The following NCAM2 variants were observed in gnomAD, a reference collection of about 807,000 sequenced individuals.
The protein encoded by NCAM2 is N-CAM-2.
In NCAM2, 30 loss-of-function variants were observed where a neutral mutation model predicts 98.1. The ratio of observed to expected loss-of-function variants is 0.31; its 90% CI spans 0.23 to 0.41. NCAM2 has a LOEUF of 0.41. Ranked by LOEUF, NCAM2 falls within the 10% of genes least tolerant of loss-of-function variation. The pLI is 1.00. For missense variants in NCAM2, 867 were observed against 1,005.8 expected, an observed-to-expected ratio of 0.86 and a Z score of 1.87; for synonymous variants, 368 against 342.4, an observed-to-expected ratio of 1.07 and a Z score of -0.83.
Position 21,284,384 on chromosome 21 carries a change from A to T in NCAM2, c.321A>T (p.Val107=). The T allele has an allele frequency of 6.2e-7, 1 of 1,611,174 alleles. No homozygotes were observed. The highest frequency in any genetic ancestry group is 8.5e-7 in the Non-Finnish European group (1 of 1,177,824). The stretch of plus-strand genomic sequence containing the variant: ...AAGGACAAACACAAGAAGCTACAGT[A>T]GTTTTGGAAATTTACCGTAAGTAAT... ...DAKGQTQEAT[V]VLEIYQKLTF... is the part of the protein sequence containing the mutation. The change falls in exon 3 of 18, where the codon GTA becomes GTT. Residue 107 remains valine, a synonymous_variant. Transcript: ENST00000400546.
intron 1 of NCAM2, among the ~76,000 whole-genome samples, chr21:21,043,658 C>T (rs1400781803): frequency 6.6e-6 from 1 of 151,560 alleles, no homozygotes; most frequent in Non-Finnish European, 1.5e-5. Context: ...CAAGACCATC[C>T]TGGCTAACAC....
intron 1 of NCAM2, among the ~76,000 whole-genome samples, chr21:21,021,406 A>G (rs745923411): frequency 7.9e-5 from 12 of 152,184 alleles, no homozygotes; most frequent in Non-Finnish European, 1.2e-4. Flanking sequence ...TCATCAAGCA[A>G]TGGGTGGCTT....
At chr21:21,080,084 T>C (rs2065760230) in intron 1 of NCAM2, among the ~76,000 whole-genome samples, 1 of 152,142 alleles carries the variant, frequency 6.6e-6, no homozygotes, top group Non-Finnish European at 1.5e-5. Context: ...GCAAATGAGC[T>C]TCCCAAACAA....
At chr21:21,147,310 C>G (rs891631481) in intron 1 of NCAM2, 3 of 965,184 alleles carry the variant, frequency 3.1e-6, no homozygotes, top group Admixed American at 1.2e-4. Flanking sequence ...AAAAAAAAGA[C>G]AATTTATTTG....
At chr21:21,283,979 T>C (rs918527493) in intron 2 of NCAM2, among the ~76,000 whole-genome samples, 8 of 151,988 alleles carry the variant, frequency 5.3e-5, no homozygotes, top group Non-Finnish European at 2.9e-5. Context: ...TAGGTATTGC[T>C]TACTCAAGCG....
intron 16 of NCAM2, among the ~76,000 whole-genome samples, chr21:21,530,605 A>G (rs1989639487): frequency 6.6e-6 from 1 of 151,544 alleles, no homozygotes; most frequent in East Asian, 1.9e-4. Flanking sequence ...ATACATATAT[A>G]AATTTTAGCA....
intron 5 of NCAM2, among the ~76,000 whole-genome samples, chr21:21,305,681 T>G (rs910544323): frequency 2.0e-5 from 3 of 152,148 alleles, no homozygotes; most frequent in Non-Finnish European, 2.9e-5. Flanking sequence ...TATATTGATC[T>G]CTCAAAGAAA....
chr21:21,045,526 G>T (rs112516614), intron 1 of NCAM2, among the ~76,000 whole-genome samples: 35 of 152,150 alleles, frequency 2.3e-4, no homozygotes, highest in African/African-American at 8.2e-4. Context: ...GCCCACACCT[G>T]TCGTCTCACC....
chr21:21,141,885 G>A (rs1279872548), intron 1 of NCAM2, among the ~76,000 whole-genome samples: 1 of 152,130 alleles, frequency 6.6e-6, no homozygotes, highest in African/African-American at 2.4e-5. Flanking sequence ...TGGGTTCAAG[G>A]TATGCTCATT....
At chr21:21,214,017 C>T (rs2069765010) in intron 1 of NCAM2, among the ~76,000 whole-genome samples, 1 of 152,084 alleles carries the variant, frequency 6.6e-6, no homozygotes, top group Non-Finnish European at 1.5e-5. Flanking sequence ...GAGGACAGTA[C>T]CTGAACACCA....
At chr21:21,114,070 A>G (rs542198317) in intron 1 of NCAM2, among the ~76,000 whole-genome samples, 1 of 152,284 alleles carries the variant, frequency 6.6e-6, no homozygotes, top group African/African-American at 2.4e-5. Flanking sequence ...GTGTGAATGT[A>G]TATGTTCTCA....
rs574148216 is a variant in NCAM2 at position 21,338,376 on chromosome 21, A to G, written c.899-13A>G. 9 of 1,604,188 alleles carry G rather than the reference A, an allele frequency of 5.6e-6. No homozygotes were observed. In the African/African-American group the frequency reaches 8.0e-5, roughly 14 times the overall value. On this transcript the variant is annotated splice_polypyrimidine_tract_variant and intron_variant, in intron 7 of 17. Transcript: ENST00000400546. ...CTCCAATACCGGTTGAGTAATATAT[A>G]TATTCTTTACAGTACAGCCTCACAT...
chr21:21,265,127 ATAT>A (rs2072161229), intron 1 of NCAM2, among the ~76,000 whole-genome samples: 2 of 103,262 alleles, frequency 1.9e-5, no homozygotes, highest in Admixed American at 1.2e-4. Flanking sequence ...TACATATATT[ATAT>A]ATACATATAT....
rs1297947294 is a variant in NCAM2 at position 21,542,205 on chromosome 21, T to C, written c.*4248T>C. The C allele has an allele frequency of 6.6e-6, 1 of 151,868 alleles. No individual in the cohort carries two copies. Among genetic ancestry groups the C allele is most frequent in the Non-Finnish European group, 1.5e-5 (1 of 67,818 alleles). 9.4% of individuals were successfully genotyped at this position (151,868 alleles called of 1,614,324 possible). A position where few individuals can be genotyped will look rare whatever the true frequency, so the allele number is the denominator to read the frequency against. ...AGTTGCTGAACAAACATAATTTTCT[T>C]CCAGCTCCCATCCTTCCTTTTTGAA... is the stretch of plus-strand genomic sequence containing the variant. On this transcript the variant is annotated 3_prime_UTR_variant, in exon 18 of 18. Coordinates refer to ENST00000400546, the MANE Select transcript of NCAM2 (RefSeq NM_004540.5).
At chr21:21,031,496 T>C (rs7509723) in intron 1 of NCAM2, among the ~76,000 whole-genome samples, 109,912 of 152,018 alleles carry the variant, frequency 0.72, 40,059 homozygotes, top group Admixed American at 0.79. Flanking sequence ...ATTGGCCTTC[T>C]GATTTTATTG....
intron 1 of NCAM2, among the ~76,000 whole-genome samples, chr21:21,201,479 A>G (rs1399981347): frequency 6.6e-6 from 1 of 152,218 alleles, no homozygotes; most frequent in African/African-American, 2.4e-5. Flanking sequence ...ACAAATGACT[A>G]TGAAATTCTG....
At chr21:21,458,169 CA>C (rs1313811549) in intron 12 of NCAM2, among the ~76,000 whole-genome samples, 2 of 152,182 alleles carry the variant, frequency 1.3e-5, no homozygotes, top group African/African-American at 4.8e-5. Context: ...CCTGTTACGC[CA>C]GCACTACGCC....
chr21:21,122,688 C>T (rs2066700445), intron 1 of NCAM2, among the ~76,000 whole-genome samples: 1 of 152,152 alleles, frequency 6.6e-6, no homozygotes, highest in Non-Finnish European at 1.5e-5. Flanking sequence ...TTACGTCTTT[C>T]ACCAAGGTAG....
intron 5 of NCAM2, among the ~76,000 whole-genome samples, chr21:21,316,877 T>C (rs1366468756): frequency 1.3e-5 from 2 of 152,114 alleles, no homozygotes; most frequent in Non-Finnish European, 2.9e-5. Flanking sequence ...AAAACAAATA[T>C]AGCCCCTGTA....
Sources: allele counts gnomAD v4.1 joint callset (sites outside exome capture counted in the v4.1 genomes callset), GRCh38; gene constraint gnomAD v4.1.1; transcripts MANE v1.5; gene names NCBI Gene and HGNC (gene_info 2026-07-23, HGNC 2026-07-21).